COL9A1: variants seen among roughly 807,000 people sequenced by gnomAD.
COL9A1 encodes collagen alpha-1(IX) chain.
In COL9A1, 104 loss-of-function variants were observed where a neutral mutation model predicts 142.6. The observed-to-expected ratio is 0.73, with a 90% CI of 0.62 to 0.86. The LOEUF (loss-of-function observed/expected upper bound fraction) is 0.86, where lower values mean the gene tolerates loss of function less well. Among genes scored for constraint, COL9A1 ranks in the 40% least tolerant of loss-of-function variants. The pLI is 0.00. For synonymous variants in COL9A1, 466 were observed against 396.0 expected (o/e 1.18, Z -2.10); for missense variants, 1,210 against 1,176.6 (o/e 1.03, Z -0.42).
At chr6:70,276,868 A>G (rs934678617) in intron 10 of COL9A1, among the ~76,000 whole-genome samples, 1 of 152,204 alleles carries the variant, frequency 6.6e-6, no homozygotes, top group Non-Finnish European at 1.5e-5. Context: ...CTAACTGCAC[A>G]GTGTTCTAGA....
intron 33 of COL9A1, among the ~76,000 whole-genome samples, chr6:70,238,077 TA>T (rs1296026505): frequency 6.6e-6 from 1 of 152,246 alleles, no homozygotes; most frequent in African/African-American, 2.4e-5. Flanking sequence ...TTTACCTCGC[TA>T]AGAATCTGAT....
intron 6 of COL9A1, 142 bp from the exon 7 acceptor site, chr6:70,283,060 G>T (rs946040713): frequency 5.2e-6 from 8 of 1,545,726 alleles, no homozygotes; most frequent in Non-Finnish European, 6.1e-6. Context: ...CATGCCCGCC[G>T]CCCGCCGCTA....
Position 70,269,490 on chromosome 6 carries a change from C to T in COL9A1, c.1230+143G>A, listed in dbSNP as rs550675. On this transcript the variant is annotated intron_variant, in intron 16 of 37. Transcript: ENST00000357250. ...TAGATGCAAGCCACTAGTCCACTAG[C>T]GTTACAGACTGCTCTGCCATTTGAG... The T allele has an allele frequency of 0.46, 297,013 of 645,792 alleles. 70,586 individuals carry two copies. Among genetic ancestry groups the T allele is most frequent in the African/African-American group, 0.54 (29,865 of 54,914 alleles). The allele number at this position is 645,792 out of a possible 1,614,324, so 40.0% of individuals were successfully genotyped here. A position where few individuals can be genotyped will look rare whatever the true frequency, so the allele number is the denominator to read the frequency against.
rs1232362528 is a variant in COL9A1, at chr6:70,280,848, T to C, written c.939A>G (p.Pro313=). The part of the protein sequence containing the change: ...PPGPAGEPGK[P]GAPGKPGTPG... Reference sequence around the variant, plus strand: ...GTGTGCCAGGCTTGCCTGGAGCTCCTGGCTTTCCCGGTTCACCTGCAGGAC... The same window carrying C: ...GTGTGCCAGGCTTGCCTGGAGCTCCCGGCTTTCCCGGTTCACCTGCAGGAC... Residue 313 remains proline, a synonymous_variant, in exon 10 of 38, where the codon CCA becomes CCG. Transcript: ENST00000357250. 6.2e-7 allele frequency: 1 copy of C among 1,613,326 alleles called. No homozygotes were observed. Among genetic ancestry groups the C allele is most frequent in the Non-Finnish European group, 8.5e-7 (1 of 1,179,876 alleles).
chr6:70,274,046 C>T lies in COL9A1; in HGVS notation c.1065+1G>A, dbSNP rs759659285. 6.4e-7 allele frequency: 1 copy of T among 1,552,822 alleles called. No individual in the cohort carries two copies. Among genetic ancestry groups the T allele is most frequent in the Non-Finnish European group, 8.7e-7 (1 of 1,145,918 alleles). The stretch of plus-strand genomic sequence containing the variant: ...AATTCTGTAGCTTTACATTTACTTA[C>T]TGGAAATCCACGCGATCCAGGCACA... On this transcript the variant is annotated splice_donor_variant, in intron 12 of 37. Coordinates refer to ENST00000357250, the MANE Select transcript of COL9A1 (RefSeq NM_001851.6). LOFTEE classifies it high-confidence loss of function.
intron 10 of COL9A1, chr6:70,280,470 A>G: frequency 7.8e-7 from 1 of 1,275,834 alleles, no homozygotes; most frequent in Non-Finnish European, 9.9e-7. Flanking sequence ...AAGCCAGTAC[A>G]ATCTATTGCC....
At chr6:70,279,135 G>A (rs1169889503) in intron 10 of COL9A1, among the ~76,000 whole-genome samples, 11 of 151,926 alleles carry the variant, frequency 7.2e-5, no homozygotes, top group Admixed American at 2.0e-4. Flanking sequence ...AAAACTAAAG[G>A]CTGATTGAAA....
intron 20 of COL9A1, among the ~76,000 whole-genome samples, chr6:70,260,078 G>A (rs1457273646): frequency 6.6e-6 from 1 of 152,072 alleles, no homozygotes; most frequent in African/African-American, 2.4e-5. Flanking sequence ...GCTAACCACT[G>A]ATCATGACAA....
intron 5 of COL9A1, among the ~76,000 whole-genome samples, chr6:70,289,561 A>T (rs1317774679): frequency 6.6e-6 from 1 of 152,200 alleles, no homozygotes; most frequent in African/African-American, 2.4e-5. Flanking sequence ...AATATAAAAT[A>T]AAATTGTTCT....
chr6:70,294,704 T>C, intron 4 of COL9A1, 141 bp from the exon 5 acceptor site: 1 of 737,386 alleles, frequency 1.4e-6, no homozygotes, highest in Non-Finnish European at 2.3e-6. Context: ...GTTTGTTCTT[T>C]CATGACTGTT....
At chr6:70,218,683 A>G (rs1450862431) in intron 37 of COL9A1, among the ~76,000 whole-genome samples, 1 of 151,612 alleles carries the variant, frequency 6.6e-6, no homozygotes, top group East Asian at 1.9e-4. Flanking sequence ...TTTCTATTTC[A>G]GTTGTCTTTT....
At chr6:70,253,072 T>A (rs1771053508) in intron 26 of COL9A1, among the ~76,000 whole-genome samples, 1 of 152,194 alleles carries the variant, frequency 6.6e-6, no homozygotes, top group Non-Finnish European at 1.5e-5. Context: ...AATAATAGTC[T>A]CTGACATAAG....
In COL9A1 at chr6:70,294,223, T is replaced by C. The variant is rs751799054; in HGVS notation, c.640A>G (p.Ile214Val). 1 of 1,614,092 alleles carries C rather than the reference T, an allele frequency of 6.2e-7. No individual in the cohort carries two copies. Among genetic ancestry groups the C allele is most frequent in the Non-Finnish European group, 8.5e-7 (1 of 1,179,952 alleles). ...LPIKPRGPIDIDGFAVLGKLA... is the reference protein window; with the variant it reads ...LPIKPRGPIDVDGFAVLGKLA... ...TTTCCCAGCACAGCAAAGCCATCAA[T>C]GTCAATTGGGCCTCTTGGCTTTATA... Residue 214 changes from isoleucine to valine, a missense_variant, in exon 5 of 38, where the codon ATT (isoleucine) becomes GTT (valine). Ile to Val is a conservative substitution (Grantham distance 29, BLOSUM62 3). Coordinates refer to ENST00000357250, the MANE Select transcript of COL9A1 (RefSeq NM_001851.6).
chr6:70,262,363 A>G lies in COL9A1; in HGVS notation c.1395+881T>C, dbSNP rs185633021. ...CCATTTCTTCCAGATCCTCTGACTT[A>G]CTTCCTTTAACTTAATTTCCCTTAC... On this transcript the variant is annotated intron_variant, in intron 19 of 37. Transcript: ENST00000357250. Among the ~76,000 whole-genome samples the G allele has an allele frequency of 2.0e-5, 3 of 152,286 alleles. No individual in the cohort carries two copies. The East Asian group carries it at 5.8e-4, about 29-fold the overall frequency.
chr6:70,262,103 G>A (rs1326324010), intron 19 of COL9A1, among the ~76,000 whole-genome samples: 1 of 151,852 alleles, frequency 6.6e-6, no homozygotes. Context: ...GAGAATCTTT[G>A]GGAATGGCTT....
chr6:70,242,725 C>A lies in COL9A1; in HGVS notation c.1873-10G>T. On this transcript the variant is annotated splice_polypyrimidine_tract_variant and intron_variant, in intron 28 of 37. Transcript: ENST00000357250. Reference sequence around the variant, plus strand: ...ATTCTCCTCTACTGCCCTGTAAAAACACAAACATTGTCAATTGGATATTTT... The same window carrying A: ...ATTCTCCTCTACTGCCCTGTAAAAAAACAAACATTGTCAATTGGATATTTT... 1 of 1,613,664 alleles carries A rather than the reference C, an allele frequency of 6.2e-7. No individual in the cohort carries two copies. The highest frequency in any genetic ancestry group is 8.5e-7 in the Non-Finnish European group (1 of 1,179,554).
chr6:70,251,699 G>T (rs1274695313), intron 28 of COL9A1, among the ~76,000 whole-genome samples: 1 of 152,218 alleles, frequency 6.6e-6, no homozygotes, highest in Non-Finnish European at 1.5e-5. Flanking sequence ...AATGATGGAT[G>T]ACTGCAGGTG....
intron 5 of COL9A1, among the ~76,000 whole-genome samples, chr6:70,291,879 A>G (rs929068989): frequency 3.9e-5 from 6 of 152,174 alleles, no homozygotes; most frequent in Admixed American, 3.9e-4. Flanking sequence ...CTTACAAGTT[A>G]ATAGATCTGT....
chr6:70,245,037 T>C (rs1293275608), intron 28 of COL9A1, among the ~76,000 whole-genome samples: 1 of 152,242 alleles, frequency 6.6e-6, no homozygotes, highest in Non-Finnish European at 1.5e-5. Context: ...TGGTTCCTCA[T>C]TTTTATTTCA....
Sources: allele counts gnomAD v4.1 joint callset (sites outside exome capture counted in the v4.1 genomes callset), GRCh38; gene constraint gnomAD v4.1.1; transcripts MANE v1.5; gene names NCBI Gene and HGNC (gene_info 2026-07-23, HGNC 2026-07-21).